Variants in STAG1 observed in about 807,000 individuals in gnomAD.
STAG1 encodes cohesin subunit SA-1.
STAG1 carries 26 observed loss-of-function variants against 170.9 expected under a neutral mutation model. The observed-to-expected ratio is 0.15, with a 90% CI of 0.11 to 0.21. STAG1 has a LOEUF of 0.21. Among genes scored for constraint, STAG1 ranks in the 10% least tolerant of loss-of-function variants. The pLI, the probability that STAG1 is intolerant of heterozygous loss-of-function variation, is 1.00. For synonymous variants in STAG1, 514 were observed against 497.7 expected (o/e 1.03, Z -0.44); for missense variants, 964 against 1,509.5 (o/e 0.64, Z 5.99).
intron 3 of STAG1, among the ~76,000 whole-genome samples, chr3:136,607,433 CTCTT>C (rs1394492890): frequency 3.3e-5 from 5 of 152,086 alleles, no homozygotes; most frequent in Admixed American, 3.3e-4. Context: ...GACAGATTCT[CTCTT>C]TGTTGCTCAG....
At chr3:136,647,602 A>G (rs1351766482) in intron 1 of STAG1, among the ~76,000 whole-genome samples, 1 of 152,174 alleles carries the variant, frequency 6.6e-6, no homozygotes, top group Non-Finnish European at 1.5e-5. Context: ...CCTTCAAAAA[A>G]AAAAATAAGG....
At chr3:136,457,138 G>A (rs979824411) in intron 13 of STAG1, among the ~76,000 whole-genome samples, 2 of 152,048 alleles carry the variant, frequency 1.3e-5, no homozygotes, top group Admixed American at 1.3e-4. Flanking sequence ...ACCCCTCATG[G>A]CCTTTGGAAC....
At chr3:136,629,473 T>A (rs1249676006) in intron 2 of STAG1, among the ~76,000 whole-genome samples, 1 of 152,062 alleles carries the variant, frequency 6.6e-6, no homozygotes, top group Non-Finnish European at 1.5e-5. Context: ...ATATGGTATT[T>A]ATACCATATT....
At chr3:136,467,385 AC>A (rs1421565795) in intron 12 of STAG1, among the ~76,000 whole-genome samples, 1 of 152,204 alleles carries the variant, frequency 6.6e-6, no homozygotes, top group Non-Finnish European at 1.5e-5. Context: ...CAGACTTTAA[AC>A]CAACAAAGAC....
chr3:136,702,605 C>T (rs1943116580), intron 1 of STAG1, among the ~76,000 whole-genome samples: 1 of 151,972 alleles, frequency 6.6e-6, no homozygotes. Context: ...AGGCTAGTCT[C>T]GAACTCCTGA....
chr3:136,663,426 A>G (rs895886893), intron 1 of STAG1, among the ~76,000 whole-genome samples: 10 of 152,362 alleles, frequency 6.6e-5, no homozygotes, highest in Admixed American at 3.9e-4. Flanking sequence ...GCAGAATTTA[A>G]TAAGTGAGAT....
intron 10 of STAG1, among the ~76,000 whole-genome samples, chr3:136,476,787 T>A (rs1460469647): frequency 1.3e-5 from 2 of 152,176 alleles, no homozygotes; most frequent in Non-Finnish European, 2.9e-5. Flanking sequence ...TACCCATGGT[T>A]ATTCTAAGGA....
chr3:136,714,953 A>ATAT (rs1553770533), intron 1 of STAG1, among the ~76,000 whole-genome samples: 3 of 91,018 alleles, frequency 3.3e-5, no homozygotes, highest in South Asian at 3.5e-4. Flanking sequence ...ATATATATAT[A>ATAT]TATATATATA....
rs781182534 is a variant in STAG1, at chr3:136,398,794, C to T, written c.2232G>A (p.Ser744=). ...VVQALQCSHY[S]ILWQLVKITD... ...TAATTTTCACCAACTGCCAAAGAAT[C>T]GAATAATGGGAACACTGCAGTGCTT... The change falls in exon 22 of 34, where the codon TCG becomes TCA. Residue 744 remains serine, a synonymous_variant. Coordinates refer to ENST00000383202, the MANE Select transcript of STAG1 (RefSeq NM_005862.3). 2 of 1,602,626 alleles carry T rather than the reference C, an allele frequency of 1.2e-6. No homozygotes were observed. The highest frequency in any genetic ancestry group is 1.7e-6 in the Non-Finnish European group (2 of 1,173,988).
intron 6 of STAG1, among the ~76,000 whole-genome samples, chr3:136,523,341 GTGTCTGTTGGCTGCATAAA>G (rs1435544572): frequency 1.3e-5 from 2 of 152,094 alleles, no homozygotes; most frequent in Non-Finnish European, 2.9e-5. Flanking sequence ...ATTTTTTCAC[GTGTCTGTTGGCTGCATAAA>G]TGTCTTCTTT....
chr3:136,472,193 T>G (rs933744325), intron 12 of STAG1, among the ~76,000 whole-genome samples: 2 of 151,988 alleles, frequency 1.3e-5, no homozygotes, highest in African/African-American at 4.8e-5. Flanking sequence ...CTAGGCTGCA[T>G]AAAATAATTT....
chr3:136,701,527 T>G (rs1358054981), intron 1 of STAG1, among the ~76,000 whole-genome samples: 1 of 151,892 alleles, frequency 6.6e-6, no homozygotes, highest in Non-Finnish European at 1.5e-5. Context: ...CTCAGTAAAA[T>G]AAAAAATAAG....
At chr3:136,510,318 C>CT (rs1455229645) in intron 7 of STAG1, among the ~76,000 whole-genome samples, 1 of 152,172 alleles carries the variant, frequency 6.6e-6, no homozygotes, top group Admixed American at 6.5e-5. Flanking sequence ...GAGATGGAGT[C>CT]TCATTCTGTC....
At chr3:136,423,444 TCTCA>T (rs2107731439) in intron 16 of STAG1, among the ~76,000 whole-genome samples, 1 of 152,304 alleles carries the variant, frequency 6.6e-6, no homozygotes, top group South Asian at 2.1e-4. Context: ...GCTAACACAT[TCTCA>T]CTTATTTTTA....
intron 1 of STAG1, among the ~76,000 whole-genome samples, chr3:136,724,157 G>GA (rs1933515092): frequency 7.0e-6 from 1 of 143,246 alleles, no homozygotes; most frequent in Non-Finnish European, 1.5e-5. Context: ...TTGTGGAATA[G>GA]AGGAGGGGAG....
chr3:136,539,395 G>A lies in STAG1; in HGVS notation c.471+2724C>T, dbSNP rs570653603. Among the ~76,000 whole-genome samples, 33 of 152,234 alleles carry A rather than the reference G, an allele frequency of 2.2e-4. No individual in the cohort carries two copies. The South Asian group carries it at 6.6e-3, about 31-fold the overall frequency. On this transcript the variant is annotated intron_variant, in intron 6 of 33. Coordinates refer to ENST00000383202, the MANE Select transcript of STAG1 (RefSeq NM_005862.3). ...AAAATCTGCAAGGTTAAGTTATCAC[G>A]GGAGAAGAGCACAATACACAAAAAT...
chr3:136,424,222 C>G (rs1330829885), intron 16 of STAG1, among the ~76,000 whole-genome samples: 1 of 151,706 alleles, frequency 6.6e-6, no homozygotes, highest in African/African-American at 2.4e-5. Flanking sequence ...ACATGTATGT[C>G]TAGGAATGTA....
At chr3:136,462,928 G>C (rs556189151) in intron 13 of STAG1, among the ~76,000 whole-genome samples, 1 of 152,126 alleles carries the variant, frequency 6.6e-6, no homozygotes, top group African/African-American at 2.4e-5. Context: ...ATTATACAGA[G>C]AACCAATCTC....
chr3:136,355,023 T>C (rs1463898733), intron 28 of STAG1, among the ~76,000 whole-genome samples: 5 of 151,976 alleles, frequency 3.3e-5, no homozygotes, highest in Non-Finnish European at 5.9e-5. Flanking sequence ...CACTTTAGAA[T>C]AAGACTCAAC....
Sources: allele counts gnomAD v4.1 joint callset (sites outside exome capture counted in the v4.1 genomes callset), GRCh38; gene constraint gnomAD v4.1.1; transcripts MANE v1.5; gene names NCBI Gene and HGNC (gene_info 2026-07-23, HGNC 2026-07-21).